The following AGTRAP variants were observed in gnomAD, a reference collection of about 807,000 sequenced individuals.
The protein encoded by AGTRAP is angiotensin II receptor associated protein, also known as type-1 angiotensin II receptor-associated protein.
In AGTRAP, 7 loss-of-function variants were observed where a neutral mutation model predicts 15.2. The ratio of observed to expected loss-of-function variants is 0.46; its 90% CI spans 0.26 to 0.87. The LOEUF is 0.87. AGTRAP is among the 40% of genes least tolerant of loss of function. The probability of loss-of-function intolerance (pLI) is 0.15; values close to 1 mark genes in which losing one functional copy is unlikely to be tolerated. For missense variants in AGTRAP, 187 were observed against 213.4 expected, an observed-to-expected ratio of 0.88 and a Z score of 0.77; for synonymous variants, 74 against 89.6, an observed-to-expected ratio of 0.83 and a Z score of 0.98.
chr1:11,740,272 C>A (rs1285962539), intron 1 of AGTRAP, among the ~76,000 whole-genome samples: 6 of 152,218 alleles, frequency 3.9e-5, no homozygotes, highest in Non-Finnish European at 8.8e-5. Context: ...CCAGGAAGTG[C>A]AGGGCCCGTT....
chr1:11,746,546 C>T (rs17875939), intron 2 of AGTRAP: 3,056 of 250,914 alleles, frequency 0.012, 95 homozygotes, highest in African/African-American at 0.064. Context: ...CAGTCCCTGT[C>T]CCCCTGAGTC....
intron 1 of AGTRAP, among the ~76,000 whole-genome samples, chr1:11,741,454 GA>G (rs1310131755): frequency 1.3e-5 from 2 of 152,222 alleles, no homozygotes; most frequent in Non-Finnish European, 2.9e-5. Context: ...CAGGGTGAAT[GA>G]AAAGCAGGTG....
intron 1 of AGTRAP, among the ~76,000 whole-genome samples, chr1:11,737,543 C>T (rs1233308813): frequency 6.6e-6 from 1 of 152,138 alleles, no homozygotes; most frequent in Non-Finnish European, 1.5e-5. Context: ...CTGATATGGT[C>T]ATCTTTTTAC....
intron 1 of AGTRAP, 59 bp downstream of exon 1, chr1:11,736,294 T>A: frequency 6.3e-7 from 1 of 1,581,802 alleles, no homozygotes; most frequent in African/African-American, 1.3e-5. Context: ...ATTTGCATTT[T>A]CCCGGAAGGT....
intron 2 of AGTRAP, 87 bp from the exon 3 acceptor site, chr1:11,747,353 G>A (rs1187821406): frequency 8.1e-7 from 1 of 1,239,516 alleles, no homozygotes; most frequent in Non-Finnish European, 1.2e-6. Context: ...GCATGTTCTG[G>A]GAGGAGGCCC....
At position 11,750,362 on chromosome 1, in the gene AGTRAP, C is replaced by G. The variant is rs1266583835; in HGVS notation, c.*170C>G. Reference sequence around the variant, plus strand: ...CCCCCATGGGCCGCCCAGTACCATGCACACTCCTGTCCCGAACTCCCTGAG... The same window carrying G: ...CCCCCATGGGCCGCCCAGTACCATGGACACTCCTGTCCCGAACTCCCTGAG... On this transcript the variant is annotated 3_prime_UTR_variant, in exon 5 of 5. Transcript: ENST00000314340. 1 of 692,246 alleles carries G rather than the reference C, an allele frequency of 1.4e-6. No individual in the cohort carries two copies. The highest frequency in any genetic ancestry group is 2.6e-6 in the Non-Finnish European group (1 of 384,470). 42.9% of individuals were successfully genotyped at this position (692,246 alleles called of 1,614,324 possible). A position where few individuals can be genotyped will look rare whatever the true frequency, so the allele number is the denominator to read the frequency against.
At chr1:11,736,778 A>C (rs1045951355) in intron 1 of AGTRAP, among the ~76,000 whole-genome samples, 2 of 152,240 alleles carry the variant, frequency 1.3e-5, no homozygotes, top group African/African-American at 4.8e-5. Context: ...CTCCAACAGA[A>C]ATTACTTAAA....
intron 2 of AGTRAP, chr1:11,746,536 C>G (rs1462780894): frequency 3.6e-6 from 1 of 279,464 alleles, no homozygotes; most frequent in African/African-American, 2.2e-5. Context: ...GAGGTAGACT[C>G]AGTCCCTGTC....
In AGTRAP at chr1:11,747,446, C is replaced by T. The variant is rs1276022772; in HGVS notation, c.69C>T (p.Cys23=). ...GAGCTACCTCTTCCTACAGGGGCTG[C>T]ATTGTATTCTCAGGCTCCTATGCCT... is the stretch of plus-strand genomic sequence containing the variant. ...LGHWLLTTWG[C]IVFSGSYAWA... is the part of the protein sequence containing the mutation. Residue 23 remains cysteine (C), a synonymous_variant, in exon 3 of 5, where the codon TGC becomes TGT. Transcript: ENST00000314340. 39 of 1,613,948 alleles carry T rather than the reference C, an allele frequency of 2.4e-5. No homozygotes were observed. The highest frequency in any genetic ancestry group is 3.2e-5 in the Non-Finnish European group (38 of 1,179,922).
Position 11,744,785 on chromosome 1 carries a change from G to T in AGTRAP, c.28-1018G>T, listed in dbSNP as rs376674174. ...TTATTAAGAAAGTAAAGGAATAAAA[G>T]AATGGCTACTCCATAGGCAGAGCAT... On this transcript the variant is annotated intron_variant, in intron 1 of 4. Transcript: ENST00000314340. Among the ~76,000 whole-genome samples, 133 of 152,290 alleles carry T rather than the reference G, an allele frequency of 8.7e-4. 3 individuals carry two copies. The South Asian group carries it at 0.024, about 28-fold the overall frequency.
chr1:11,745,724 G>A lies in AGTRAP; in HGVS notation c.28-79G>A. 6.5e-7 allele frequency: 1 copy of A among 1,533,212 alleles called. No individual in the cohort carries two copies. Among genetic ancestry groups the A allele is most frequent in the Admixed American group, 1.7e-5 (1 of 59,902 alleles). 95.0% of individuals were successfully genotyped at this position (1,533,212 alleles called of 1,614,324 possible). A position where few individuals can be genotyped will look rare whatever the true frequency, so the allele number is the denominator to read the frequency against. On this transcript the variant is annotated intron_variant, in intron 1 of 4. Coordinates refer to ENST00000314340, the MANE Select transcript of AGTRAP (RefSeq NM_020350.5). The surrounding 1 kb of genome is among the most constrained non-coding windows in gnomAD (Gnocchi z 4.2). ...GGTGCCAGGCGCAGGGGCGTCCTGT[G>A]TTTTCTGCACCCGACGCTTTCCTGC...
chr1:11,746,009 C>A, intron 2 of AGTRAP, 172 bp downstream of exon 2: 1 of 1,327,324 alleles, frequency 7.5e-7, no homozygotes, highest in Non-Finnish European at 1.1e-6. Flanking sequence ...GCACACCCTG[C>A]AGGAGCTGGG....
At chr1:11,744,495 C>T (rs1642112398) in intron 1 of AGTRAP, 2 of 713,664 alleles carry the variant, frequency 2.8e-6, no homozygotes, top group Non-Finnish European at 5.2e-6. Context: ...CCCGCTCTCT[C>T]CAGCCACAAC....
intron 1 of AGTRAP, among the ~76,000 whole-genome samples, chr1:11,739,581 A>G (rs1455429664): frequency 6.6e-6 from 1 of 152,164 alleles, no homozygotes; most frequent in African/African-American, 2.4e-5. Flanking sequence ...CTGGCTGGAT[A>G]GATTGATTCT....
intron 4 of AGTRAP, among the ~76,000 whole-genome samples, chr1:11,749,336 C>A (rs1302412124): frequency 6.6e-6 from 1 of 152,240 alleles, no homozygotes; most frequent in Non-Finnish European, 1.5e-5. Context: ...AGATGCCCCA[C>A]GTGGCCTGTG....
At chr1:11,747,063 C>A (rs1357383559) in intron 2 of AGTRAP, among the ~76,000 whole-genome samples, 1 of 152,188 alleles carries the variant, frequency 6.6e-6, no homozygotes, top group African/African-American at 2.4e-5. Context: ...TCCCACAGGC[C>A]CCTTAGGCCC....
chr1:11,748,467 T>C lies in AGTRAP; in HGVS notation c.221T>C (p.Ile74Thr). The change falls in exon 4 of 5, where the codon ATC (isoleucine) becomes ACC (threonine). Residue 74 changes from isoleucine to threonine, a missense_variant. Transcript: ENST00000314340. The stretch of plus-strand genomic sequence containing the variant: ...TTCCTGGACATCGTGCACATCAGCA[T>C]CTTCTACCCGCGGGTCAGCCTCACG... ...TIFLDIVHISIFYPRVSLTDT... is the reference protein window; with the variant it reads ...TIFLDIVHISTFYPRVSLTDT... 1 of 1,613,884 alleles carries C rather than the reference T, an allele frequency of 6.2e-7. No individual in the cohort carries two copies. Among genetic ancestry groups the C allele is most frequent in the Non-Finnish European group, 8.5e-7 (1 of 1,180,000 alleles).
At position 11,750,195 on chromosome 1, in the gene AGTRAP, C is replaced by G; in HGVS notation, c.*3C>G. ...GTCAAGATGCCCGAGGGTACTGAAGCCAGCCACGCTGCGCCCGGCCCTGCC... is the reference window on the plus strand; with the variant it reads ...GTCAAGATGCCCGAGGGTACTGAAGGCAGCCACGCTGCGCCCGGCCCTGCC... On this transcript the variant is annotated 3_prime_UTR_variant, in exon 5 of 5. Transcript: ENST00000314340. 1 of 1,611,306 alleles carries G rather than the reference C, an allele frequency of 6.2e-7. No individual in the cohort carries two copies. Among genetic ancestry groups the G allele is most frequent in the Non-Finnish European group, 8.5e-7 (1 of 1,178,376 alleles).
chr1:11,746,902 T>C (rs1642178041), intron 2 of AGTRAP, among the ~76,000 whole-genome samples: 1 of 152,178 alleles, frequency 6.6e-6, no homozygotes, highest in Admixed American at 6.5e-5. Flanking sequence ...GACGAACTTG[T>C]ACTTAGCACC....
Sources: allele counts gnomAD v4.1 joint callset (sites outside exome capture counted in the v4.1 genomes callset), GRCh38; gene constraint gnomAD v4.1.1; non-coding constraint Gnocchi (gnomAD v3.1); transcripts MANE v1.5; gene names NCBI Gene and HGNC (gene_info 2026-07-23, HGNC 2026-07-21).